The following NCKAP1 variants were observed in gnomAD, a reference collection of about 807,000 sequenced individuals.
The protein encoded by NCKAP1 is NCK associated protein 1, also known as nck-associated protein 1.
In NCKAP1, 21 loss-of-function variants were observed where a neutral mutation model predicts 151.2. The observed-to-expected ratio is 0.14, with a 90% CI of 0.10 to 0.20. The LOEUF is 0.20. Ranked by LOEUF, NCKAP1 falls within the 10% of genes least tolerant of loss-of-function variation. The pLI is 1.00. For missense variants in NCKAP1, 933 were observed against 1,352.1 expected (o/e 0.69, Z 4.86); for synonymous variants, 484 against 451.8 (o/e 1.07, Z -0.90).
Position 182,957,516 on chromosome 2 carries a change from T to C in NCKAP1, c.1962A>G (p.Glu654=). 1 of 1,614,102 alleles carries C rather than the reference T, an allele frequency of 6.2e-7. No individual in the cohort carries two copies. Among genetic ancestry groups the C allele is most frequent in the Non-Finnish European group, 8.5e-7 (1 of 1,179,956 alleles). Reference sequence around the variant, plus strand: ...CAACACCTGGTTTCTCCCTTTCAGGTTCCCCTTTCTTACCAGTCTGCTTTT... The same window carrying C: ...CAACACCTGGTTTCTCCCTTTCAGGCTCCCCTTTCTTACCAGTCTGCTTTT... ...KSKKQTGKKG[E]PEREKPGVES... Residue 654 remains glutamate, a synonymous_variant, in exon 19 of 31, where the codon GAA becomes GAG. Transcript: ENST00000361354.
rs1426398813 is a variant in NCKAP1, at chr2:182,920,112, T to C, written c.*5590A>G. ...CTTCTCAAGTTGCTGGGACTACAGG[T>C]GTACACAATCACACCCGGCTTTTTC... On this transcript the variant is annotated 3_prime_UTR_variant, in exon 31 of 31. Coordinates refer to ENST00000361354, the MANE Select transcript of NCKAP1 (RefSeq NM_013436.5). The C allele has an allele frequency of 1.3e-5, 2 of 152,176 alleles. No individual in the cohort carries two copies. Among genetic ancestry groups the C allele is most frequent in the African/African-American group, 4.8e-5 (2 of 41,400 alleles). 9.4% of individuals were successfully genotyped at this position (152,176 alleles called of 1,614,324 possible).
chr2:183,027,065 A>G (rs1031749538), intron 1 of NCKAP1, among the ~76,000 whole-genome samples: 10 of 145,656 alleles, frequency 6.9e-5, no homozygotes, highest in African/African-American at 1.5e-4. Flanking sequence ...GCCTAAATAC[A>G]GCCTAAAGTC....
At chr2:183,027,858 ACAG>A (rs1211841001) in intron 1 of NCKAP1, among the ~76,000 whole-genome samples, 1 of 152,138 alleles carries the variant, frequency 6.6e-6, no homozygotes, top group Non-Finnish European at 1.5e-5. Flanking sequence ...TTTTCAGAAA[ACAG>A]CCTGCTATTG....
intron 27 of NCKAP1, 99 bp from the exon 28 acceptor site, chr2:182,928,998 T>TA: frequency 1.3e-6 from 1 of 771,328 alleles, no homozygotes; most frequent in Non-Finnish European, 2.0e-6. Flanking sequence ...AAAAATGGTT[T>TA]ACTTTTTTTT....
intron 15 of NCKAP1, among the ~76,000 whole-genome samples, chr2:182,974,902 C>T (rs1363481118): frequency 6.6e-6 from 1 of 152,150 alleles, no homozygotes; most frequent in East Asian, 1.9e-4. Flanking sequence ...TAGGAATAAT[C>T]AGGTCTACAT....
At chr2:183,028,940 C>T (rs1193073269) in intron 1 of NCKAP1, among the ~76,000 whole-genome samples, 1 of 125,720 alleles carries the variant, frequency 8.0e-6, no homozygotes, top group Non-Finnish European at 1.6e-5. Flanking sequence ...GGTGAAACCC[C>T]GTTTCTACTA....
chr2:183,003,508 G>A (rs1698411159), intron 2 of NCKAP1, among the ~76,000 whole-genome samples, 183 bp from the exon 3 acceptor site: 1 of 152,066 alleles, frequency 6.6e-6, no homozygotes, highest in African/African-American at 2.4e-5. Flanking sequence ...ATCAGCAACT[G>A]ACAGTGTGAG....
chr2:183,011,299 T>C (rs563375131), intron 2 of NCKAP1, among the ~76,000 whole-genome samples: 1 of 152,344 alleles, frequency 6.6e-6, no homozygotes, highest in East Asian at 1.9e-4. Flanking sequence ...TTTACAGCTT[T>C]ATTAAGGTAC....
At chr2:183,024,029 G>A in intron 1 of NCKAP1, 113 bp from the exon 2 acceptor site, 1 of 812,924 alleles carries the variant, frequency 1.2e-6, no homozygotes. Context: ...GTGAGCAGGT[G>A]ATAAAATGAA....
chr2:182,996,085 T>C (rs1409888390), intron 6 of NCKAP1, among the ~76,000 whole-genome samples: 1 of 152,234 alleles, frequency 6.6e-6, no homozygotes, highest in Non-Finnish European at 1.5e-5. Context: ...ACTCATGTTA[T>C]TTTCTTAAAG....
intron 1 of NCKAP1, among the ~76,000 whole-genome samples, chr2:183,028,731 T>G (rs1052622527): frequency 6.6e-6 from 1 of 152,222 alleles, no homozygotes; most frequent in South Asian, 2.1e-4. Flanking sequence ...AGTTAATAAA[T>G]AAGTTCCAAA....
At chr2:182,957,993 A>G (rs1559081806) in intron 18 of NCKAP1, among the ~76,000 whole-genome samples, 2 of 152,238 alleles carry the variant, frequency 1.3e-5, no homozygotes, top group Non-Finnish European at 2.9e-5. Flanking sequence ...AGTTAGAACT[A>G]CTATGTGGTG....
chr2:183,007,014 G>A (rs965467781), intron 2 of NCKAP1, among the ~76,000 whole-genome samples: 2 of 152,124 alleles, frequency 1.3e-5, no homozygotes, highest in African/African-American at 4.8e-5. Flanking sequence ...TGGGACTACA[G>A]GCAGGCACCA....
rs1696504488 is a variant in NCKAP1 at position 182,918,702 on chromosome 2, G to A, written c.*7000C>T. 1 of 152,172 alleles carries A rather than the reference G, an allele frequency of 6.6e-6. No individual in the cohort carries two copies. The highest frequency in any genetic ancestry group is 6.6e-5 in the Admixed American group (1 of 15,262). The allele number at this position is 152,172 out of a possible 1,614,324, so 9.4% of individuals were successfully genotyped here. A position where few individuals can be genotyped will look rare whatever the true frequency, so the allele number is the denominator to read the frequency against. ...CTCAGAAGTGGGAGGATGGGAACGG[G>A]TCTAGGGATAAAAAACTACACATTG... On this transcript the variant is annotated 3_prime_UTR_variant, in exon 31 of 31. Transcript: ENST00000361354.
At chr2:182,986,464 C>T (rs1575048733) in intron 9 of NCKAP1, among the ~76,000 whole-genome samples, 1 of 151,938 alleles carries the variant, frequency 6.6e-6, no homozygotes, top group East Asian at 1.9e-4. Flanking sequence ...TTAAACTTCA[C>T]AATGTAGATT....
In NCKAP1 at chr2:182,930,745, G is replaced by T; in HGVS notation, c.2903C>A (p.Pro968His). The change falls in exon 27 of 31, where the codon CCT becomes CAT. Residue 968 changes from proline to histidine, a missense_variant. Around this residue, in one of 2 missense-constraint regions of NCKAP1, gnomAD observed 326 missense variants for 557.1 expected, o/e 0.59. Transcript: ENST00000361354. ...VYELSSAAGL[P>H]CEIDPALVVA... ...GACCAATGCAGGATCAATCTCACAA[G>T]GTAATCCGGCAGCTGATGATAACTC... 1 of 1,613,394 alleles carries T rather than the reference G, an allele frequency of 6.2e-7. No homozygotes were observed. The highest frequency in any genetic ancestry group is 8.5e-7 in the Non-Finnish European group (1 of 1,179,456).
At chr2:182,984,667 C>T (rs1479809967) in intron 10 of NCKAP1, among the ~76,000 whole-genome samples, 1 of 151,586 alleles carries the variant, frequency 6.6e-6, no homozygotes, top group Admixed American at 6.6e-5. Context: ...ATATATAGTG[C>T]TTCTGTTACT....
At chr2:182,991,201 G>A (rs926715319) in intron 8 of NCKAP1, among the ~76,000 whole-genome samples, 2 of 152,112 alleles carry the variant, frequency 1.3e-5, no homozygotes, top group African/African-American at 4.8e-5. Flanking sequence ...TTTAACATAC[G>A]TGTTATGAGT....
Position 182,944,538 on chromosome 2 carries a change from T to C in NCKAP1, c.2602-2375A>G, listed in dbSNP as rs144723385. On this transcript the variant is annotated intron_variant, in intron 23 of 30. Coordinates refer to ENST00000361354, the MANE Select transcript of NCKAP1 (RefSeq NM_013436.5). ...TTCGTAGAAAAAAAGACGGTTGCTT[T>C]CTTCTCCTGAAAGGAATAAACATGT... Among the ~76,000 whole-genome samples the C allele has an allele frequency of 5.0e-3, 765 of 152,304 alleles. 11 individuals carry two copies. Among genetic ancestry groups the C allele is most frequent in the African/African-American group, 0.017 (725 of 41,550 alleles).
Sources: gnomAD v4.1 joint callset for allele counts (sites outside exome capture counted in the v4.1 genomes callset) on GRCh38, gnomAD v4.1.1 for gene constraint, gnomAD v4.1.1 regional missense constraint, MANE v1.5 for transcripts, NCBI Gene and HGNC (gene_info 2026-07-23, HGNC 2026-07-21) for gene names.